Variants in SH2D4A observed in about 807,000 individuals in gnomAD.
SH2D4A encodes SH2 domain-containing protein 4A.
Under a neutral mutation model 64.7 loss-of-function variants are expected in SH2D4A, and 70 were observed. The observed-to-expected ratio is 1.08, with a 90% CI of 0.89 to 1.32. SH2D4A has a LOEUF of 1.32. SH2D4A is among the 40% of genes most tolerant of loss of function. The pLI, the probability that SH2D4A is intolerant of heterozygous loss-of-function variation, is 0.00. For synonymous variants in SH2D4A, 268 were observed against 200.7 expected (o/e 1.34, Z -2.83); for missense variants, 706 against 540.1 (o/e 1.31, Z -3.04).
intron 2 of SH2D4A, among the ~76,000 whole-genome samples, chr8:19,331,092 C>T (rs774990806): frequency 6.6e-6 from 1 of 152,128 alleles, no homozygotes; most frequent in Admixed American, 6.5e-5. Context: ...CTCTGCCCAG[C>T]GTCTCTGTTT....
rs2052942631 is a variant in SH2D4A at position 19,364,119 on chromosome 8, C to T, written c.754C>T (p.Gln252Ter). The change falls in exon 7 of 10, where the codon CAA becomes TAA. Residue 252 changes from glutamine (Q) to a stop codon, truncating the protein, a stop_gained. Coordinates refer to ENST00000265807, the MANE Select transcript of SH2D4A (RefSeq NM_022071.4). LOFTEE classifies it high-confidence loss of function. ...TGAGAAGAGACGCTCCTTGGCTAAACAAGCACGAGAAGACTACAAGAGGTT... is the reference window on the plus strand; with the variant it reads ...TGAGAAGAGACGCTCCTTGGCTAAATAAGCACGAGAAGACTACAAGAGGTT... ...ADEKRRSLAK[Q>*]AREDYKRLSL... The T allele has an allele frequency of 1.9e-6, 3 of 1,614,066 alleles. No homozygotes were observed. The highest frequency in any genetic ancestry group is 1.7e-6 in the Non-Finnish European group (2 of 1,179,986).
chr8:19,346,288 G>C (rs905501055), intron 4 of SH2D4A, among the ~76,000 whole-genome samples: 7 of 152,180 alleles, frequency 4.6e-5, no homozygotes. Flanking sequence ...GAGGTGAGCA[G>C]CAGGCAAGCA....
At chr8:19,373,262 G>A (rs1014862628) in intron 7 of SH2D4A, among the ~76,000 whole-genome samples, 3 of 151,624 alleles carry the variant, frequency 2.0e-5, no homozygotes, top group Non-Finnish European at 2.9e-5. Flanking sequence ...CCTGTTAGCT[G>A]AGGTCATTGA....
intron 4 of SH2D4A, among the ~76,000 whole-genome samples, chr8:19,353,765 C>T (rs569699555): frequency 9.3e-4 from 136 of 146,166 alleles, no homozygotes; most frequent in Non-Finnish European, 1.6e-3. Context: ...ATTTGTAGAA[C>T]GTGTAAGTGT....
rs1474629327 is a variant in SH2D4A, at chr8:19,394,788, T to A, written c.*146T>A. ...AAGTAAAGTATCCATGGAGTCCTCA[T>A]TGACACCTCTTTTCTGCACAAATAC... is the stretch of plus-strand genomic sequence containing the variant. On this transcript the variant is annotated 3_prime_UTR_variant, in exon 10 of 10. Coordinates refer to ENST00000265807, the MANE Select transcript of SH2D4A (RefSeq NM_022071.4). The A allele has an allele frequency of 2.2e-6, 1 of 454,538 alleles. No homozygotes were observed. Among genetic ancestry groups the A allele is most frequent in the Non-Finnish European group, 3.8e-6 (1 of 260,534 alleles). The allele number at this position is 454,538 out of a possible 1,614,324, so 28.2% of individuals were successfully genotyped here.
chr8:19,388,069 C>A (rs908285458), intron 8 of SH2D4A, among the ~76,000 whole-genome samples: 1 of 152,190 alleles, frequency 6.6e-6, no homozygotes, highest in Admixed American at 6.5e-5. Context: ...AAAAATGCAT[C>A]TTCTTTAAGT....
chr8:19,326,126 C>T (rs1163750688), intron 2 of SH2D4A, among the ~76,000 whole-genome samples: 23 of 152,198 alleles, frequency 1.5e-4, no homozygotes, highest in Admixed American at 1.4e-3. Context: ...TCATGCAGAA[C>T]GGTTTTGAAT....
At chr8:19,322,945 G>A (rs142150675) in intron 2 of SH2D4A, among the ~76,000 whole-genome samples, 1 of 152,222 alleles carries the variant, frequency 6.6e-6, no homozygotes, top group African/African-American at 2.4e-5. Flanking sequence ...AAAGTGCTGG[G>A]ATTACACGCA....
chr8:19,317,895 C>T (rs879282526), intron 1 of SH2D4A, among the ~76,000 whole-genome samples: 1 of 148,844 alleles, frequency 6.7e-6, no homozygotes, highest in Admixed American at 6.7e-5. Flanking sequence ...TGGTCAATTT[C>T]TTTTTTTTTT....
intron 4 of SH2D4A, among the ~76,000 whole-genome samples, chr8:19,354,388 AG>A (rs1233599562): frequency 6.6e-6 from 1 of 152,220 alleles, no homozygotes; most frequent in African/African-American, 2.4e-5. Context: ...TTCAAAGAAA[AG>A]GAAAATCATC....
intron 7 of SH2D4A, among the ~76,000 whole-genome samples, chr8:19,370,719 A>G (rs748586070): frequency 2.0e-4 from 30 of 152,106 alleles, no homozygotes; most frequent in South Asian, 6.2e-4. Context: ...TGGAGAATTT[A>G]TCCATTGATA....
At chr8:19,346,376 T>C (rs574065462) in intron 4 of SH2D4A, among the ~76,000 whole-genome samples, 60 of 152,330 alleles carry the variant, frequency 3.9e-4, no homozygotes, top group Non-Finnish European at 6.8e-4. Flanking sequence ...ATGAATCCTC[T>C]TGTGAACTGC....
chr8:19,319,868 A>G lies in SH2D4A; in HGVS notation c.181+140A>G, dbSNP rs1265810507. The stretch of plus-strand genomic sequence containing the variant: ...AATCCTAAATGTTATTGAGAATCTA[A>G]TAGTGCAGTATGTCCACCTGAAGTC... On this transcript the variant is annotated intron_variant, in intron 2 of 9. Coordinates refer to ENST00000265807, the MANE Select transcript of SH2D4A (RefSeq NM_022071.4). The G allele has an allele frequency of 4.0e-6, 3 of 748,310 alleles. No homozygotes were observed. In the African/African-American group the frequency reaches 5.4e-5, roughly 14 times the overall value. 46.4% of individuals were successfully genotyped at this position (748,310 alleles called of 1,614,324 possible).
intron 4 of SH2D4A, among the ~76,000 whole-genome samples, chr8:19,345,644 T>C (rs1221021661): frequency 6.6e-6 from 1 of 152,228 alleles, no homozygotes; most frequent in Non-Finnish European, 1.5e-5. Flanking sequence ...TATCTTTTGG[T>C]CCACCTGGGT....
intron 4 of SH2D4A, among the ~76,000 whole-genome samples, chr8:19,341,042 A>C (rs2117229546): frequency 6.6e-6 from 1 of 152,342 alleles, no homozygotes; most frequent in Middle Eastern, 3.4e-3. Context: ...AGATTAAGTG[A>C]TTAACCCCAA....
At chr8:19,337,823 A>G (rs966320850) in intron 4 of SH2D4A, among the ~76,000 whole-genome samples, 15 of 152,194 alleles carry the variant, frequency 9.9e-5, no homozygotes, top group Non-Finnish European at 2.2e-4. Context: ...ACTGCCTCCC[A>G]CCAGGTTCCT....
chr8:19,394,765 G>T lies in SH2D4A; in HGVS notation c.*123G>T. On this transcript the variant is annotated 3_prime_UTR_variant, in exon 10 of 10. Transcript: ENST00000265807. Reference sequence around the variant, plus strand: ...CAGAGCCAATACTGATCAACTGAAAGTAAAGTATCCATGGAGTCCTCATTG... The same window carrying T: ...CAGAGCCAATACTGATCAACTGAAATTAAAGTATCCATGGAGTCCTCATTG... The T allele has an allele frequency of 6.0e-6, 1 of 166,188 alleles. No individual in the cohort carries two copies. Among genetic ancestry groups the T allele is most frequent in the South Asian group, 1.4e-4 (1 of 6,912 alleles). 10.3% of individuals were successfully genotyped at this position (166,188 alleles called of 1,614,324 possible).
chr8:19,314,046 TGTCCG>T, intron 1 of SH2D4A: 1 of 1,133,296 alleles, frequency 8.8e-7, no homozygotes, highest in African/African-American at 1.7e-5. Context: ...CGGTGTCCGG[TGTCCG>T]GTGTCCGGTG....
intron 4 of SH2D4A, among the ~76,000 whole-genome samples, chr8:19,342,991 C>G (rs2052552484): frequency 6.6e-6 from 1 of 152,200 alleles, no homozygotes; most frequent in Non-Finnish European, 1.5e-5. Flanking sequence ...CTGCTTCCGT[C>G]TCTGTGTGCC....
Sources: gnomAD v4.1 joint callset for allele counts (sites outside exome capture counted in the v4.1 genomes callset) on GRCh38, gnomAD v4.1.1 for gene constraint, MANE v1.5 for transcripts, NCBI Gene and HGNC (gene_info 2026-07-23, HGNC 2026-07-21) for gene names.